TMEM258: variants seen among roughly 807,000 people sequenced by gnomAD.
TMEM258 encodes dolichyl-diphosphooligosaccharide--protein glycosyltransferase subunit TMEM258.
Under a neutral mutation model 9.9 loss-of-function variants are expected in TMEM258, and 11 were observed. That is an observed-to-expected ratio of 1.11 (90% CI 0.70 to 1.85). The LOEUF (loss-of-function observed/expected upper bound fraction) is 1.85, where lower values mean the gene tolerates loss of function less well. Ranked by LOEUF, TMEM258 falls within the 40% of genes most tolerant of loss-of-function variation. The probability of loss-of-function intolerance (pLI) is 0.00; values close to 1 mark genes in which losing one functional copy is unlikely to be tolerated. For missense variants in TMEM258, 81 were observed against 99.7 expected, an observed-to-expected ratio of 0.81 and a Z score of 0.80; for synonymous variants, 40 against 39.1, an observed-to-expected ratio of 1.02 and a Z score of -0.09.
At chr11:61,792,223 C>G in intron 1 of TMEM258, 1 of 387,088 alleles carries the variant, frequency 2.6e-6, no homozygotes, top group Non-Finnish European at 4.8e-6. Flanking sequence ...AAGTGCTTCA[C>G]CAATAAACAT....
chr11:61,790,600 C>A lies in TMEM258; in HGVS notation c.6G>T (p.Glu2Asp), dbSNP rs759823178. 11 of 1,612,736 alleles carry A rather than the reference C, an allele frequency of 6.8e-6. No homozygotes were observed. Among genetic ancestry groups the A allele is most frequent in the Middle Eastern group, 3.3e-4 (2 of 6,080 alleles). Reference sequence around the variant, plus strand: ...TGGTATATCTGCTCATGGCCTCGAGCTCCTAGAGGAGGGAAAGAGATCAGA... The same window carrying A: ...TGGTATATCTGCTCATGGCCTCGAGATCCTAGAGGAGGGAAAGAGATCAGA... M[E>D]LEAMSRYTSP... The change falls in exon 2 of 4, where the codon GAG becomes GAT. Residue 2 changes from glutamate (E) to aspartate (D), a missense_variant and splice_region_variant. By Grantham distance (45) the Glu-to-Asp change is conservative (BLOSUM62 2). Coordinates refer to ENST00000537328, the MANE Select transcript of TMEM258 (RefSeq NM_014206.4).
intron 1 of TMEM258, among the ~76,000 whole-genome samples, chr11:61,790,897 AC>A (rs1460990091): frequency 6.6e-6 from 1 of 151,664 alleles, no homozygotes; most frequent in African/African-American, 2.4e-5. Flanking sequence ...CAAGCTGAGA[AC>A]CCCCGCTATA....
Position 61,790,572 on chromosome 11 carries a change from G to A in TMEM258, c.34C>T (p.Pro12Ser). 6.2e-7 allele frequency: 1 copy of A among 1,614,102 alleles called. No homozygotes were observed. Among genetic ancestry groups the A allele is most frequent in the Non-Finnish European group, 8.5e-7 (1 of 1,180,002 alleles). The change falls in exon 2 of 4, where the codon CCA becomes TCA. Residue 12 changes from proline to serine, a missense_variant. By Grantham distance (74) the Pro-to-Ser change is moderately conservative. Coordinates refer to ENST00000537328, the MANE Select transcript of TMEM258 (RefSeq NM_014206.4). Reference protein sequence around the residue: ...ELEAMSRYTSPVNPAVFPHLT... With the variant: ...ELEAMSRYTSSVNPAVFPHLT... ...TGGGGGAAGACAGCTGGGTTCACTG[G>A]GCTGGTATATCTGCTCATGGCCTCG...
rs2066770164 is a variant in TMEM258 at position 61,789,955 on chromosome 11, G to A, written c.114-34C>T. ...AGCAGTTAAGGCAAAGCGAAGGGGTGGACTGTGGAGTGCAGAGAGCCCAGC... is the reference window on the plus strand; with the variant it reads ...AGCAGTTAAGGCAAAGCGAAGGGGTAGACTGTGGAGTGCAGAGAGCCCAGC... On this transcript the variant is annotated intron_variant, in intron 2 of 3. Coordinates refer to ENST00000537328, the MANE Select transcript of TMEM258 (RefSeq NM_014206.4). The A allele has an allele frequency of 3.7e-6, 6 of 1,602,536 alleles. No homozygotes were observed. The South Asian group carries it at 5.6e-5, about 15-fold the overall frequency.
chr11:61,789,997 A>C (rs977421638), intron 2 of TMEM258, 76 bp from the exon 3 acceptor site: 3 of 1,531,146 alleles, frequency 2.0e-6, no homozygotes, highest in Non-Finnish European at 2.6e-6. Context: ...CAATCTGAGG[A>C]GAAAAGCATT....
chr11:61,789,991 C>A (rs867237496), intron 2 of TMEM258, 70 bp from the exon 3 acceptor site: 1 of 1,542,740 alleles, frequency 6.5e-7, no homozygotes, highest in African/African-American at 1.4e-5. Context: ...CCACGGCAAT[C>A]TGAGGAGAAA....
intron 1 of TMEM258, chr11:61,792,239 C>A: frequency 2.3e-6 from 1 of 427,254 alleles, no homozygotes; most frequent in Non-Finnish European, 4.3e-6. Flanking sequence ...AACATTTGCC[C>A]AGGGCATTGT....
intron 1 of TMEM258, among the ~76,000 whole-genome samples, chr11:61,790,839 A>G (rs949116356): frequency 9.9e-5 from 15 of 152,170 alleles, no homozygotes; most frequent in Admixed American, 3.3e-4. Context: ...TACAAGAAAA[A>G]GTTTGCCTAC....
chr11:61,792,451 C>G (rs1332557858), intron 1 of TMEM258, 105 bp downstream of exon 1: 1 of 1,515,472 alleles, frequency 6.6e-7, no homozygotes, highest in Non-Finnish European at 9.2e-7. Context: ...GTTCCAGGAG[C>G]GTCTAGCCCT....
At chr11:61,792,410 C>G (rs1225354926) in intron 1 of TMEM258, 146 bp downstream of exon 1, 5 of 1,191,464 alleles carry the variant, frequency 4.2e-6, no homozygotes, top group Admixed American at 3.7e-5. Flanking sequence ...AAGGGGCTTC[C>G]CCCTTCCCCA....
In TMEM258 at chr11:61,790,570, T is replaced by G. The variant is rs1359918785; in HGVS notation, c.36A>C (p.Pro12=). 1 of 1,613,988 alleles carries G rather than the reference T, an allele frequency of 6.2e-7. No homozygotes were observed. Among genetic ancestry groups the G allele is most frequent in the African/African-American group, 1.3e-5 (1 of 74,926 alleles). The change falls in exon 2 of 4, where the codon CCA becomes CCC. Residue 12 remains proline (P), a synonymous_variant. Transcript: ENST00000537328. ...GATGGGGGAAGACAGCTGGGTTCAC[T>G]GGGCTGGTATATCTGCTCATGGCCT... ...ELEAMSRYTS[P]VNPAVFPHLT...
intron 1 of TMEM258, chr11:61,791,478 G>GGTC (rs2066784517): frequency 6.6e-6 from 1 of 152,110 alleles, no homozygotes; most frequent in Admixed American, 6.6e-5. Context: ...TGGCCAGGCT[G>GGTC]GTCTTGAACT....
At chr11:61,792,231 C>T in intron 1 of TMEM258, 1 of 405,778 alleles carries the variant, frequency 2.5e-6, no homozygotes, top group Non-Finnish European at 4.6e-6. Context: ...CACCAATAAA[C>T]ATTTGCCCAG....
Position 61,790,593 on chromosome 11 carries a change from C to T in TMEM258, c.13G>A (p.Ala5Thr), listed in dbSNP as rs1755083577. Residue 5 changes from alanine to threonine, a missense_variant, in exon 2 of 4, where the codon GCC (alanine) becomes ACC (threonine). Transcript: ENST00000537328. Reference sequence around the variant, plus strand: ...ACTGGGCTGGTATATCTGCTCATGGCCTCGAGCTCCTAGAGGAGGGAAAGA... The same window carrying T: ...ACTGGGCTGGTATATCTGCTCATGGTCTCGAGCTCCTAGAGGAGGGAAAGA... MELE[A>T]MSRYTSPVNP... 1.2e-6 allele frequency: 2 copies of T among 1,613,446 alleles called. No homozygotes were observed. The highest frequency in any genetic ancestry group is 1.3e-5 in the African/African-American group (1 of 74,910).
rs551356512 is a variant in TMEM258 at position 61,790,904 on chromosome 11, C to A, written c.4-302G>T. ...ATAGACACCAAGCTGAGAACCCCCG[C>A]TATAAGTCACTGACTGGTGGTACCC... On this transcript the variant is annotated intron_variant, in intron 1 of 3. Coordinates refer to ENST00000537328, the MANE Select transcript of TMEM258 (RefSeq NM_014206.4). Among the ~76,000 whole-genome samples the A allele has an allele frequency of 2.5e-4, 38 of 152,276 alleles. 1 individual carries two copies. The South Asian group carries it at 5.4e-3, about 22-fold the overall frequency.
chr11:61,789,784 C>CCCTT lies in TMEM258; in HGVS notation c.*7_*10dup, dbSNP rs936729602. On this transcript the variant is annotated splice_region_variant and 3_prime_UTR_variant. Coordinates refer to ENST00000537328, the MANE Select transcript of TMEM258 (RefSeq NM_014206.4). ...CGCATCCATCCCATTGCAGCTCTTA[C>CCCTT]CCTTGGGTGCTCACACGTAGATGCC... 2.5e-6 allele frequency: 4 copies of CCCTT among 1,608,584 alleles called. No homozygotes were observed. In the African/African-American group the frequency reaches 5.4e-5, roughly 22 times the overall value.
At chr11:61,792,454 C>A in intron 1 of TMEM258, 102 bp downstream of exon 1, 2 of 1,542,172 alleles carry the variant, frequency 1.3e-6, no homozygotes, top group South Asian at 1.1e-5. Context: ...CCAGGAGCGT[C>A]TAGCCCTCTG....
chr11:61,790,938 A>G (rs749988626), intron 1 of TMEM258, among the ~76,000 whole-genome samples: 5 of 152,040 alleles, frequency 3.3e-5, no homozygotes, highest in Non-Finnish European at 5.9e-5. Flanking sequence ...CCAGATCTCA[A>G]TATCTTTTTT....
intron 2 of TMEM258, 51 bp from the exon 3 acceptor site, chr11:61,789,972 G>A: frequency 6.3e-7 from 1 of 1,586,492 alleles, no homozygotes; most frequent in Non-Finnish European, 8.6e-7. Flanking sequence ...GGAGTGCAGA[G>A]AGCCCAGCCC....
Sources: allele counts gnomAD v4.1 joint callset (sites outside exome capture counted in the v4.1 genomes callset), GRCh38; gene constraint gnomAD v4.1.1; transcripts MANE v1.5; gene names NCBI Gene and HGNC (gene_info 2026-07-23, HGNC 2026-07-21).